Variants in ZFAND6 observed in about 807,000 individuals in gnomAD.
The protein encoded by ZFAND6 is AN1-type zinc finger protein 6.
In ZFAND6, 12 loss-of-function variants were observed where a neutral mutation model predicts 24.5. The observed-to-expected ratio is 0.49, with a 90% CI of 0.31 to 0.79. The LOEUF is 0.79. Among genes scored for constraint, ZFAND6 ranks in the 30% least tolerant of loss-of-function variants. The probability of loss-of-function intolerance (pLI) is 0.04; values close to 1 mark genes in which losing one functional copy is unlikely to be tolerated. For missense variants in ZFAND6, 207 were observed against 245.9 expected (o/e 0.84, Z 1.06); for synonymous variants, 92 against 81.5 (o/e 1.13, Z -0.69).
At position 80,121,788 on chromosome 15, in the gene ZFAND6, A is replaced by G. The variant is rs1203898610; in HGVS notation, c.231A>G (p.Ala77=). 6.2e-7 allele frequency: 1 copy of G among 1,613,886 alleles called. No individual in the cohort carries two copies. The part of the protein sequence containing the change: ...TDGSVPEAQS[A]LDSTSSSMQP... ...GCAGTGTGCCAGAAGCCCAGTCAGC[A>G]TTAGACTCTACATCTTCATCTATGC... Residue 77 remains alanine (A), a synonymous_variant, in exon 4 of 7, where the codon GCA becomes GCG. Transcript: ENST00000261749.
intron 5 of ZFAND6, among the ~76,000 whole-genome samples, chr15:80,127,882 G>GT (rs1226443146): frequency 6.6e-6 from 1 of 152,006 alleles, no homozygotes; most frequent in Non-Finnish European, 1.5e-5. Flanking sequence ...ACACAAAAAC[G>GT]TGTACACAAG....
In ZFAND6 at chr15:80,082,310, G is replaced by A. The variant is rs140054581; in HGVS notation, c.-180-16106G>A. Among the ~76,000 whole-genome samples the A allele has an allele frequency of 4.2e-3, 634 of 152,322 alleles. 2 individuals are homozygous for A. Among genetic ancestry groups the A allele is most frequent in the Non-Finnish European group, 6.5e-3 (444 of 68,038 alleles). On this transcript the variant is annotated intron_variant, in intron 1 of 6. Coordinates refer to ENST00000261749, the MANE Select transcript of ZFAND6 (RefSeq NM_019006.4). ...AAGTTCTCACAATATCATGAGATGG[G>A]TATTATTGTTGTGCCTATTTCGCAG...
At chr15:80,084,058 G>C (rs576798162) in intron 1 of ZFAND6, among the ~76,000 whole-genome samples, 1 of 152,168 alleles carries the variant, frequency 6.6e-6, no homozygotes. Context: ...TCAAGATTGT[G>C]CAGCTAAGAA....
intron 2 of ZFAND6, among the ~76,000 whole-genome samples, chr15:80,112,501 A>G (rs886780785): frequency 3.3e-5 from 5 of 151,906 alleles, no homozygotes; most frequent in African/African-American, 1.2e-4. Flanking sequence ...GGGTTCAAAC[A>G]ATGCTCCTGC....
intron 1 of ZFAND6, among the ~76,000 whole-genome samples, chr15:80,061,677 A>G (rs1164937703): frequency 6.6e-6 from 1 of 152,236 alleles, no homozygotes; most frequent in Non-Finnish European, 1.5e-5. Flanking sequence ...TTAATCTGCC[A>G]TAACTTATGG....
chr15:80,073,974 A>C (rs2037124990), intron 1 of ZFAND6, among the ~76,000 whole-genome samples: 1 of 151,892 alleles, frequency 6.6e-6, no homozygotes, highest in Non-Finnish European at 1.5e-5. Flanking sequence ...AAAATCCTGG[A>C]GTGGCTTTAC....
intron 1 of ZFAND6, among the ~76,000 whole-genome samples, chr15:80,066,944 A>G (rs937130709): frequency 6.6e-6 from 1 of 151,630 alleles, no homozygotes; most frequent in African/African-American, 2.4e-5. Context: ...CCTCTTCCCC[A>G]TCTTCCAGCT....
chr15:80,098,605 C>G (rs1254245838), intron 2 of ZFAND6, 27 bp downstream of exon 2: 1 of 151,938 alleles, frequency 6.6e-6, no homozygotes, highest in Non-Finnish European at 1.5e-5. Context: ...GCCTGTAACC[C>G]TATGTAATTG....
At chr15:80,094,189 TG>T (rs2038567693) in intron 1 of ZFAND6, among the ~76,000 whole-genome samples, 1 of 152,224 alleles carries the variant, frequency 6.6e-6, no homozygotes, top group South Asian at 2.1e-4. Flanking sequence ...AAAATAGACA[TG>T]TATTTCCTAT....
At chr15:80,067,501 T>G (rs932868619) in intron 1 of ZFAND6, among the ~76,000 whole-genome samples, 1 of 152,158 alleles carries the variant, frequency 6.6e-6, no homozygotes, top group African/African-American at 2.4e-5. Flanking sequence ...TCCAGTTCAT[T>G]AAGTTTGTGT....
In ZFAND6 at chr15:80,131,176, T is replaced by C; in HGVS notation, c.365-4T>C. 1 of 1,531,710 alleles carries C rather than the reference T, an allele frequency of 6.5e-7. No homozygotes were observed. Among genetic ancestry groups the C allele is most frequent in the Non-Finnish European group, 8.8e-7 (1 of 1,135,048 alleles). The allele number at this position is 1,531,710 out of a possible 1,614,324, so 94.9% of individuals were successfully genotyped here. On this transcript the variant is annotated splice_region_variant and splice_polypyrimidine_tract_variant and intron_variant, in intron 5 of 6. Transcript: ENST00000261749. Reference sequence around the variant, plus strand: ...AAATTTTGCCACCTTCGTATTTTTGTTAGCTTCAGTATCAGACACAGCACA... The same window carrying C: ...AAATTTTGCCACCTTCGTATTTTTGCTAGCTTCAGTATCAGACACAGCACA...
At chr15:80,136,559 AGTCT>A (rs745477132) in intron 6 of ZFAND6, among the ~76,000 whole-genome samples, 110 of 152,146 alleles carry the variant, frequency 7.2e-4, no homozygotes, top group Admixed American at 1.4e-3. Flanking sequence ...CATCTTGTCC[AGTCT>A]GTCTAATACA....
At chr15:80,127,534 G>A (rs2040416827) in intron 5 of ZFAND6, among the ~76,000 whole-genome samples, 1 of 145,866 alleles carries the variant, frequency 6.9e-6, no homozygotes. Flanking sequence ...AGGTTGCAGT[G>A]AGCTGAGATT....
At chr15:80,119,643 G>A (rs2040058179) in intron 2 of ZFAND6, among the ~76,000 whole-genome samples, 2 of 150,762 alleles carry the variant, frequency 1.3e-5, no homozygotes, top group African/African-American at 4.9e-5. Flanking sequence ...TATAAATAAC[G>A]CTGTGAAGCA....
intron 2 of ZFAND6, chr15:80,111,500 A>T (rs561729567): frequency 4.4e-6 from 2 of 456,006 alleles, no homozygotes; most frequent in East Asian, 1.4e-4. Context: ...TAAGATAGGA[A>T]TGTCAATCAG....
At chr15:80,093,354 A>G (rs2038507077) in intron 1 of ZFAND6, among the ~76,000 whole-genome samples, 2 of 152,158 alleles carry the variant, frequency 1.3e-5, no homozygotes, top group African/African-American at 4.8e-5. Context: ...AATGTAATAG[A>G]TGAGCAAGAA....
intron 6 of ZFAND6, among the ~76,000 whole-genome samples, chr15:80,133,766 G>A (rs1332683430): frequency 6.6e-6 from 1 of 152,180 alleles, no homozygotes; most frequent in Non-Finnish European, 1.5e-5. Flanking sequence ...TTACTGTTTT[G>A]CGCAAATGCA....
chr15:80,093,861 A>T (rs966189490), intron 1 of ZFAND6, among the ~76,000 whole-genome samples: 3 of 152,192 alleles, frequency 2.0e-5, no homozygotes, highest in Non-Finnish European at 4.4e-5. Flanking sequence ...ATTCCAGTGT[A>T]GTTTCGGGAA....
chr15:80,121,374 A>G (rs1480125718), intron 3 of ZFAND6, among the ~76,000 whole-genome samples: 1 of 152,182 alleles, frequency 6.6e-6, no homozygotes, highest in African/African-American at 2.4e-5. Flanking sequence ...TATATTCTTC[A>G]CTGCTATGTC....
Sources: allele counts gnomAD v4.1 joint callset (sites outside exome capture counted in the v4.1 genomes callset), GRCh38; gene constraint gnomAD v4.1.1; transcripts MANE v1.5; gene names NCBI Gene and HGNC (gene_info 2026-07-23, HGNC 2026-07-21).